Variants in FAM110B observed in about 807,000 individuals in gnomAD.
The protein encoded by FAM110B is protein FAM110B.
A neutral mutation model predicts 20.4 loss-of-function variants in FAM110B; 6 were observed. The ratio of observed to expected loss-of-function variants is 0.29; its 90% CI spans 0.16 to 0.58. The LOEUF (loss-of-function observed/expected upper bound fraction) is 0.58, where lower values mean the gene tolerates loss of function less well. FAM110B is among the 20% of genes least tolerant of loss of function. The probability of loss-of-function intolerance (pLI) is 0.90; values close to 1 mark genes in which losing one functional copy is unlikely to be tolerated. For synonymous variants in FAM110B, 226 were observed against 214.1 expected (o/e 1.06, Z -0.49); for missense variants, 434 against 498.2 (o/e 0.87, Z 1.23).
chr8:57,998,309 TAAAG>T (rs985099224), intron 1 of FAM110B, among the ~76,000 whole-genome samples: 32 of 152,324 alleles, frequency 2.1e-4, no homozygotes, highest in African/African-American at 7.5e-4. Context: ...TTAGAAGTAA[TAAAG>T]AATGTTGGGT....
chr8:58,004,369 C>T (rs570439394), intron 1 of FAM110B, among the ~76,000 whole-genome samples: 3 of 152,264 alleles, frequency 2.0e-5, no homozygotes, highest in Non-Finnish European at 4.4e-5. Context: ...GCTCCATATT[C>T]TAGATAACTT....
At chr8:58,066,085 C>A (rs921261252) in intron 2 of FAM110B, among the ~76,000 whole-genome samples, 4 of 152,126 alleles carry the variant, frequency 2.6e-5, no homozygotes, top group Non-Finnish European at 5.9e-5. Context: ...TTAATTCATG[C>A]CCCTTCCAGA....
chr8:58,118,705 T>G (rs1278788335), intron 3 of FAM110B, among the ~76,000 whole-genome samples: 1 of 152,194 alleles, frequency 6.6e-6, no homozygotes, highest in African/African-American at 2.4e-5. Flanking sequence ...AGGCCACTTA[T>G]GGATTAAAAA....
chr8:58,123,170 A>T (rs1249535304), intron 3 of FAM110B, among the ~76,000 whole-genome samples: 1 of 152,152 alleles, frequency 6.6e-6, no homozygotes, highest in African/African-American at 2.4e-5. Context: ...ATGCTGGCAG[A>T]GGTGGCAAGT....
Position 58,146,956 on chromosome 8 carries a change from C to T in FAM110B, c.726C>T (p.Asp242=), listed in dbSNP as rs770472744. 2.5e-6 allele frequency: 4 copies of T among 1,614,226 alleles called. No homozygotes were observed. The South Asian group carries it at 3.3e-5, about 13-fold the overall frequency. ...AIASMKSPEA[D]PVEPACGVSR... is the part of the protein sequence containing the mutation. ...CCTCCATGAAGTCCCCCGAGGCCGA[C>T]CCTGTGGAACCAGCTTGTGGAGTCA... The change falls in exon 4 of 4, where the codon GAC becomes GAT. Residue 242 remains aspartate (D), a synonymous_variant. Coordinates refer to ENST00000519262, the MANE Select transcript of FAM110B (RefSeq NM_001377989.1).
At position 57,996,770 on chromosome 8, in the gene FAM110B, A is replaced by C. The variant is rs16922877; in HGVS notation, c.-512+1964A>C. Among the ~76,000 whole-genome samples the C allele has an allele frequency of 3.6e-3, 552 of 152,338 alleles. 25 individuals are homozygous for C. The East Asian group carries it at 0.094, about 26-fold the overall frequency. On this transcript the variant is annotated intron_variant, in intron 1 of 3. Coordinates refer to ENST00000519262, the MANE Select transcript of FAM110B (RefSeq NM_001377989.1). Reference sequence around the variant, plus strand: ...ATGGAAAGAACCGTTGGTACAGCAGAGTTAAGTAACTCTCACAGTGTTAAA... The same window carrying C: ...ATGGAAAGAACCGTTGGTACAGCAGCGTTAAGTAACTCTCACAGTGTTAAA...
In FAM110B at chr8:58,071,493, C is replaced by T. The variant is rs184949462; in HGVS notation, c.-413-4042C>T. On this transcript the variant is annotated intron_variant, in intron 2 of 3. Coordinates refer to ENST00000519262, the MANE Select transcript of FAM110B (RefSeq NM_001377989.1). ...ATTTCTCTGCTCCTGAAAAACTAAA[C>T]GTTGCAATTTTAATGATTTGTTCAA... is the stretch of plus-strand genomic sequence containing the variant. Among the ~76,000 whole-genome samples the T allele has an allele frequency of 2.2e-4, 34 of 152,258 alleles. 1 individual carries two copies. Among genetic ancestry groups the T allele is most frequent in the Middle Eastern group, 3.4e-3 (1 of 294 alleles).
chr8:58,082,852 T>G (rs1357707225), intron 3 of FAM110B, among the ~76,000 whole-genome samples: 2 of 150,972 alleles, frequency 1.3e-5, no homozygotes, highest in African/African-American at 4.9e-5. Context: ...TTTTTGTTTT[T>G]TTTTTTTTTA....
intron 1 of FAM110B, among the ~76,000 whole-genome samples, chr8:58,001,066 C>A (rs1188700440): frequency 2.0e-5 from 3 of 152,152 alleles, no homozygotes. Flanking sequence ...TAACCATAAA[C>A]CGTTTTATAA....
chr8:58,093,267 G>A (rs775292896), intron 3 of FAM110B, among the ~76,000 whole-genome samples: 7 of 152,140 alleles, frequency 4.6e-5, no homozygotes, highest in East Asian at 3.8e-4. Flanking sequence ...GATCCCATTC[G>A]TCAATTTTGG....
chr8:58,089,417 G>A (rs1051959310), intron 3 of FAM110B, among the ~76,000 whole-genome samples: 1 of 152,068 alleles, frequency 6.6e-6, no homozygotes, highest in Admixed American at 6.5e-5. Context: ...TGGTTTTGTG[G>A]GTTTTGCTTT....
chr8:58,050,373 C>T (rs1405870802), intron 2 of FAM110B, among the ~76,000 whole-genome samples: 2 of 152,180 alleles, frequency 1.3e-5, no homozygotes, highest in African/African-American at 4.8e-5. Context: ...GTACCCATTT[C>T]TTAGCTCAGT....
chr8:58,082,115 G>C (rs772387467), intron 3 of FAM110B, among the ~76,000 whole-genome samples: 7 of 152,170 alleles, frequency 4.6e-5, no homozygotes, highest in Non-Finnish European at 1.0e-4. Context: ...AGAGGAGATT[G>C]TAGATGGCTT....
At chr8:58,128,018 C>T (rs1299107828) in intron 3 of FAM110B, among the ~76,000 whole-genome samples, 2 of 152,258 alleles carry the variant, frequency 1.3e-5, no homozygotes, top group Admixed American at 6.5e-5. Context: ...TGATTTTTCT[C>T]ACAATACACA....
intron 1 of FAM110B, among the ~76,000 whole-genome samples, chr8:57,995,041 C>G (rs936463249): frequency 6.6e-6 from 1 of 152,028 alleles, no homozygotes; most frequent in Non-Finnish European, 1.5e-5. Flanking sequence ...CCGGGGGAGG[C>G]GCAGCGCCGC....
chr8:58,117,541 C>T (rs1876377), intron 3 of FAM110B, among the ~76,000 whole-genome samples: 466 of 152,300 alleles, frequency 3.1e-3, no homozygotes, highest in Admixed American at 5.2e-3. Flanking sequence ...ATTCCAACTC[C>T]ATCTCTCTCT....
chr8:58,048,617 A>T (rs6991594), intron 2 of FAM110B, among the ~76,000 whole-genome samples: 3,173 of 152,270 alleles, frequency 0.021, 111 homozygotes, highest in African/African-American at 0.072. Context: ...TATATTATGA[A>T]TTTTTAATTT....
chr8:58,145,499 G>T (rs960281657), intron 3 of FAM110B, among the ~76,000 whole-genome samples: 7 of 152,206 alleles, frequency 4.6e-5, no homozygotes, highest in African/African-American at 1.2e-4. Flanking sequence ...GCATGGAAGG[G>T]ATTCGTAGGA....
At chr8:58,050,630 G>C (rs1360410808) in intron 2 of FAM110B, among the ~76,000 whole-genome samples, 1 of 152,220 alleles carries the variant, frequency 6.6e-6, no homozygotes, top group Non-Finnish European at 1.5e-5. Context: ...CCAACAGCAG[G>C]ATCCCTCATC....
Sources: gnomAD v4.1 joint callset for allele counts (sites outside exome capture counted in the v4.1 genomes callset) on GRCh38, gnomAD v4.1.1 for gene constraint, MANE v1.5 for transcripts, NCBI Gene and HGNC (gene_info 2026-07-23, HGNC 2026-07-21) for gene names.